Variants in QRICH2 observed in about 807,000 individuals in gnomAD.
The protein encoded by QRICH2 is glutamine rich 2, also known as glutamine-rich protein 2.
In QRICH2, 119 loss-of-function variants were observed where a neutral mutation model predicts 168.3. The ratio of observed to expected loss-of-function variants is 0.71; its 90% confidence interval spans 0.61 to 0.82. The LOEUF (loss-of-function observed/expected upper bound fraction) is 0.82, where lower values mean the gene tolerates loss of function less well. Among genes scored for constraint, QRICH2 ranks in the 40% least tolerant of loss-of-function variants. The pLI, the probability that QRICH2 is intolerant of heterozygous loss-of-function variation, is 0.00. For synonymous variants in QRICH2, 894 were observed against 951.2 expected, an observed-to-expected ratio of 0.94 and a Z score of 1.11; for missense variants, 2,241 against 2,491.6, an observed-to-expected ratio of 0.90 and a Z score of 2.14.
Position 76,293,032 on chromosome 17 carries a change from T to C in QRICH2, c.1695A>G (p.Thr565=). 1.4e-5 allele frequency: 22 copies of C among 1,614,254 alleles called. No individual in the cohort carries two copies. The highest frequency in any genetic ancestry group is 1.9e-5 in the Non-Finnish European group (22 of 1,180,036). ...LEATGFIQPG[T]EQHDLIQSGR... Reference sequence around the variant, plus strand: ...CAGACTGGATCAAATCATGCTGCTCTGTGCCAGGTTGTATGAAGCCAGTTG... The same window carrying C: ...CAGACTGGATCAAATCATGCTGCTCCGTGCCAGGTTGTATGAAGCCAGTTG... Residue 565 remains threonine, a synonymous_variant, in exon 4 of 19, where the codon ACA becomes ACG. Transcript: ENST00000680821.
At position 76,308,257 on chromosome 17, in the gene QRICH2, C is replaced by A. The variant is rs1268917721; in HGVS notation, c.-259G>T. ...CGAGCTGGAGCCCTGGACTCCCAGTCCCCGCGCCGGCGGACGTTTGAAACG... is the reference window on the plus strand; with the variant it reads ...CGAGCTGGAGCCCTGGACTCCCAGTACCCGCGCCGGCGGACGTTTGAAACG... On this transcript the variant is annotated 5_prime_UTR_variant, in exon 1 of 19. Transcript: ENST00000680821. 3.0e-6 allele frequency: 3 copies of A among 985,456 alleles called. No homozygotes were observed. Among genetic ancestry groups the A allele is most frequent in the Non-Finnish European group, 3.6e-6 (3 of 829,914 alleles). 61.0% of individuals were successfully genotyped at this position (985,456 alleles called of 1,614,324 possible). A position where few individuals can be genotyped will look rare whatever the true frequency, so the allele number is the denominator to read the frequency against.
intron 3 of QRICH2, among the ~76,000 whole-genome samples, chr17:76,300,201 G>A (rs2070876328): frequency 6.6e-6 from 1 of 152,078 alleles, no homozygotes; most frequent in African/African-American, 2.4e-5. Flanking sequence ...CAGGGTGATG[G>A]CGGCAGACAC....
upstream of QRICH2, chr17:76,308,619 G>C: frequency 2.7e-6 from 1 of 376,580 alleles, no homozygotes; most frequent in Non-Finnish European, 3.7e-6. Context: ...CCCTCAGACA[G>C]TCCACATATT....
chr17:76,302,507 C>G (rs73354350), intron 3 of QRICH2, among the ~76,000 whole-genome samples: 1 of 152,064 alleles, frequency 6.6e-6, no homozygotes, highest in African/African-American at 2.4e-5. Flanking sequence ...GATCTTGAGA[C>G]GGAGGGAGTA....
chr17:76,297,877 T>G (rs1028962363), intron 3 of QRICH2, among the ~76,000 whole-genome samples: 2 of 69,598 alleles, frequency 2.9e-5, no homozygotes, highest in African/African-American at 1.0e-4. Flanking sequence ...TCTGTTTTTT[T>G]TTTTTTTTTT....
chr17:76,287,138 C>A, intron 7 of QRICH2, 54 bp downstream of exon 7: 1 of 1,286,950 alleles, frequency 7.8e-7, no homozygotes, highest in Non-Finnish European at 1.1e-6. Flanking sequence ...CAGGGCCAAG[C>A]CAGCTCTGAG....
intron 7 of QRICH2, among the ~76,000 whole-genome samples, chr17:76,286,585 C>T (rs2070888666): frequency 6.6e-6 from 1 of 152,068 alleles, no homozygotes; most frequent in Non-Finnish European, 1.5e-5. Flanking sequence ...GATAGTTGCA[C>T]AACTTTGTAC....
At position 76,281,224 on chromosome 17, in the gene QRICH2, CCT is replaced by C. The variant is rs1420292789; in HGVS notation, c.4264-273_4264-272del. ...ATTTTCCACTAACAGTGCGGGAGGC[CCT>C]CTGTCTGCCCTTTCTGGGTGTCCAC... is the stretch of plus-strand genomic sequence containing the variant. On this transcript the variant is annotated intron_variant, in intron 8 of 18. Coordinates refer to ENST00000680821, the MANE Select transcript of QRICH2 (RefSeq NM_001388453.1). This position sits in a 1 kb window ranked among gnomAD's most constrained non-coding sequence, Gnocchi z 4.4. Among the ~76,000 whole-genome samples the C allele has an allele frequency of 6.6e-6, 1 of 152,140 alleles. No individual in the cohort carries two copies. Among genetic ancestry groups the C allele is most frequent in the Non-Finnish European group, 1.5e-5 (1 of 68,018 alleles).
Position 76,276,891 on chromosome 17 carries a change from C to G in QRICH2, c.5266-124G>C, listed in dbSNP as rs546410525. ...CCCTCCTGGGGGGCTCTGGGAGGCACTAGGGTGGAGCGAGAAGGTGGAGGG... is the reference window on the plus strand; with the variant it reads ...CCCTCCTGGGGGGCTCTGGGAGGCAGTAGGGTGGAGCGAGAAGGTGGAGGG... On this transcript the variant is annotated intron_variant, in intron 16 of 18. Transcript: ENST00000680821. 2.1e-4 allele frequency: 170 copies of G among 801,880 alleles called. No individual in the cohort carries two copies. The African/African-American group carries it at 2.6e-3, about 12-fold the overall frequency. 49.7% of individuals were successfully genotyped at this position (801,880 alleles called of 1,614,324 possible). A position where few individuals can be genotyped will look rare whatever the true frequency, so the allele number is the denominator to read the frequency against.
rs775339230 is a variant in QRICH2, at chr17:76,280,148, G to A, written c.4633C>T (p.Arg1545Cys). ...TGCTTCACTGGGTCCAGCTCCAGGC[G>A]GTCCAGCTGTGGCGGGGAAAGAGGG... ...LLTEMDNKLDRLELDPVKQLL... is the reference protein window; with the variant it reads ...LLTEMDNKLDCLELDPVKQLL... Residue 1545 changes from arginine (R) to cysteine (C), a missense_variant, in exon 12 of 19, where the codon CGC becomes TGC. By Grantham distance (180) the Arg-to-Cys change is radical (BLOSUM62 -3). Transcript: ENST00000680821. The surrounding 1 kb of genome is among the most constrained non-coding windows in gnomAD (Gnocchi z 7.4). 2.7e-5 allele frequency: 44 copies of A among 1,613,302 alleles called. 2 individuals carry two copies. The South Asian group carries it at 2.7e-4, about 10-fold the overall frequency.
In QRICH2 at chr17:76,307,947, C is replaced by G. The variant is rs906922774; in HGVS notation, c.52G>C (p.Gly18Arg). 1 of 1,234,612 alleles carries G rather than the reference C, an allele frequency of 8.1e-7. No individual in the cohort carries two copies. The highest frequency in any genetic ancestry group is 1.6e-5 in the African/African-American group (1 of 64,410). The allele number at this position is 1,234,612 out of a possible 1,614,324, so 76.5% of individuals were successfully genotyped here. A position where few individuals can be genotyped will look rare whatever the true frequency, so the allele number is the denominator to read the frequency against. ...TTGACGGCGCCCACCTCTGGCGTGC[C>G]GATGGAGAGGTCCGCCAGCTCCCGG... ...SLRELADLSI[G>R]TPEVGAVNFT... is the part of the protein sequence containing the mutation. Residue 18 changes from glycine (G) to arginine (R), a missense_variant, in exon 1 of 19, where the codon GGC (glycine) becomes CGC (arginine). Physicochemically the swap from Gly to Arg is moderately radical, Grantham distance 125. Around this residue, in one of 3 missense-constraint regions of QRICH2, gnomAD observed 2,047 missense variants for 2,303.8 expected, o/e 0.89. Transcript: ENST00000680821. This position sits in a 1 kb window ranked among gnomAD's most constrained non-coding sequence, Gnocchi z 5.3.
intron 3 of QRICH2, among the ~76,000 whole-genome samples, chr17:76,299,715 C>T (rs539783261): frequency 7.9e-5 from 12 of 151,764 alleles, no homozygotes; most frequent in Admixed American, 5.9e-4. Context: ...CCAGCATGGG[C>T]GACAAAGCAA....
In QRICH2 at chr17:76,276,712, T is replaced by A; in HGVS notation, c.5321A>T (p.Asp1774Val). 1 of 1,613,890 alleles carries A rather than the reference T, an allele frequency of 6.2e-7. No homozygotes were observed. The highest frequency in any genetic ancestry group is 1.3e-5 in the African/African-American group (1 of 75,064). ...LDGHIYKGRMDTRLPGILRKD... is the reference protein window; with the variant it reads ...LDGHIYKGRMVTRLPGILRKD... ...TCGGAGGATGCCTGGCAGCCTTGTGTCCATCCGTCCCTTGTAAATGTGGCC... is the reference window on the plus strand; with the variant it reads ...TCGGAGGATGCCTGGCAGCCTTGTGACCATCCGTCCCTTGTAAATGTGGCC... Residue 1774 changes from aspartate (D) to valine (V), a missense_variant, in exon 17 of 19, where the codon GAC (aspartate) becomes GTC (valine). Transcript: ENST00000680821.
chr17:76,300,021 G>A (rs967095626), intron 3 of QRICH2, among the ~76,000 whole-genome samples: 2 of 151,928 alleles, frequency 1.3e-5, no homozygotes, highest in East Asian at 2.0e-4. Flanking sequence ...TAGTAGAGAC[G>A]GGGTTTCACC....
At chr17:76,285,195 G>A (rs879323387) in intron 7 of QRICH2, among the ~76,000 whole-genome samples, 22 of 151,704 alleles carry the variant, frequency 1.5e-4, no homozygotes, top group Non-Finnish European at 2.5e-4. Context: ...TGCATGGTGC[G>A]ATCTCAGCTC....
rs2070993235 is a variant in QRICH2 at position 76,291,584 on chromosome 17, T to C, written c.3143A>G (p.Gln1048Arg). ...TGTGCCAGGATGCATCAAACCTTGCTGATAAGTTTCTGGTGGTACCAAACT... is the reference window on the plus strand; with the variant it reads ...TGTGCCAGGATGCATCAAACCTTGCCGATAAGTTTCTGGTGGTACCAAACT... ...RRSLVPPETY[Q>R]QGLMHPGTDQ... Residue 1048 changes from glutamine (Q) to arginine (R), a missense_variant, in exon 4 of 19, where the codon CAG (glutamine) becomes CGG (arginine). Physicochemically the swap from Gln to Arg is conservative, Grantham distance 43. This residue lies in a region of QRICH2 where 2,047 missense variants were observed against 2,303.8 expected (regional missense o/e 0.89). Transcript: ENST00000680821. The C allele has an allele frequency of 3.1e-6, 5 of 1,614,210 alleles. No homozygotes were observed. Among genetic ancestry groups the C allele is most frequent in the Non-Finnish European group, 4.2e-6 (5 of 1,180,032 alleles).
Position 76,293,872 on chromosome 17 carries a change from T to C in QRICH2, c.855A>G (p.Ala285=), listed in dbSNP as rs1294267614. Residue 285 remains alanine, a synonymous_variant, in exon 4 of 19, where the codon GCA becomes GCG. Coordinates refer to ENST00000680821, the MANE Select transcript of QRICH2 (RefSeq NM_001388453.1). ...GGTGTGCTGTGCCACCAGATCCTGATGCAGTCCGATCCGGGCCAAGACCAC... is the reference window on the plus strand; with the variant it reads ...GGTGTGCTGTGCCACCAGATCCTGACGCAGTCCGATCCGGGCCAAGACCAC... ...SASGLGPDRT[A]SGSGGTAHPS... is the part of the protein sequence containing the mutation. 1.2e-6 allele frequency: 2 copies of C among 1,614,162 alleles called. No individual in the cohort carries two copies. The highest frequency in any genetic ancestry group is 1.7e-5 in the Admixed American group (1 of 60,010).
chr17:76,295,081 T>C (rs7405813), intron 3 of QRICH2, among the ~76,000 whole-genome samples: 1,023 of 51,882 alleles, frequency 0.02, 11 homozygotes, highest in African/African-American at 0.079. Flanking sequence ...AACAAATAAA[T>C]AAATAAATAA....
rs1328760391 is a variant in QRICH2, at chr17:76,275,927, T to TG, written c.5373dup (p.Lys1792GlnfsTer45). 3 of 1,608,564 alleles carry TG rather than the reference T, an allele frequency of 1.9e-6. No individual in the cohort carries two copies. The highest frequency in any genetic ancestry group is 1.7e-4 in the Middle Eastern group (1 of 5,742). ...ACGTGGGGCCTGGGCTGCTGGGACT[T>TG]GCGCTTTGAGGTCCCTGAGCCTGAT... On this transcript the variant is annotated frameshift_variant, in exon 18 of 19. Transcript: ENST00000680821. LOFTEE classifies it high-confidence loss of function.
Sources: gnomAD v4.1 joint callset for allele counts (sites outside exome capture counted in the v4.1 genomes callset) on GRCh38, gnomAD v4.1.1 for gene constraint, gnomAD v4.1.1 regional missense constraint, Gnocchi (gnomAD v3.1) non-coding constraint, MANE v1.5 for transcripts, NCBI Gene and HGNC (gene_info 2026-07-23, HGNC 2026-07-21) for gene names.